Variants in VAV2 observed in about 807,000 individuals in gnomAD.
VAV2 encodes the protein vav guanine nucleotide exchange factor 2.
In VAV2, 67 loss-of-function variants were observed where a neutral mutation model predicts 132.5. The ratio of observed to expected loss-of-function variants is 0.51; its 90% CI spans 0.42 to 0.62. The LOEUF is 0.62. Ranked by LOEUF, VAV2 falls within the 20% of genes least tolerant of loss-of-function variation. The pLI is 0.00. For synonymous variants in VAV2, 492 were observed against 443.5 expected, an observed-to-expected ratio of 1.11 and a Z score of -1.37; for missense variants, 938 against 1,153.6, an observed-to-expected ratio of 0.81 and a Z score of 2.71.
At chr9:133,819,638 C>A (rs928798158) in intron 4 of VAV2, among the ~76,000 whole-genome samples, 1 of 152,170 alleles carries the variant, frequency 6.6e-6, no homozygotes, top group Admixed American at 6.5e-5. Context: ...GCCTGCCACA[C>A]CCTTAGGCTC....
At chr9:133,985,537 C>T (rs1842833854) in intron 1 of VAV2, among the ~76,000 whole-genome samples, 1 of 152,166 alleles carries the variant, frequency 6.6e-6, no homozygotes, top group East Asian at 1.9e-4. Context: ...CCACCTAGGC[C>T]TCCCAAAGTG....
intron 3 of VAV2, among the ~76,000 whole-genome samples, chr9:133,839,340 G>A (rs1188225084): frequency 6.6e-6 from 1 of 152,116 alleles, no homozygotes; most frequent in Non-Finnish European, 1.5e-5. Context: ...TGAGTGGGTT[G>A]GTGGGTGGGA....
rs966557117 is a variant in VAV2 at position 133,823,618 on chromosome 9, G to T, written c.449+10654C>A. On this transcript the variant is annotated intron_variant, in intron 4 of 29. Coordinates refer to ENST00000371850, the MANE Select transcript of VAV2 (RefSeq NM_001134398.2). This position sits in a 1 kb window ranked among gnomAD's most constrained non-coding sequence, Gnocchi z 5.5. ...GAGGAGGGCGATTTAGAGGGGGAGG[G>T]ACCTTCATCAGACACAGCACAGCCC... Among the ~76,000 whole-genome samples, 4 of 152,092 alleles carry T rather than the reference G, an allele frequency of 2.6e-5. No homozygotes were observed. Among genetic ancestry groups the T allele is most frequent in the African/African-American group, 9.7e-5 (4 of 41,410 alleles).
intron 5 of VAV2, 115 bp from the exon 6 acceptor site, chr9:133,810,320 A>C: frequency 3.3e-6 from 5 of 1,517,930 alleles, no homozygotes; most frequent in Non-Finnish European, 4.5e-6. Context: ...AACAGACCCA[A>C]AGCCACATCA....
rs1833319275 is a variant in VAV2, at chr9:133,763,201, A to C, written c.*861T>G. The C allele has an allele frequency of 6.6e-6, 1 of 152,172 alleles. No individual in the cohort carries two copies. The highest frequency in any genetic ancestry group is 2.4e-5 in the African/African-American group (1 of 41,386). The allele number at this position is 152,172 out of a possible 1,614,324, so 9.4% of individuals were successfully genotyped here. A position where few individuals can be genotyped will look rare whatever the true frequency, so the allele number is the denominator to read the frequency against. ...AGAGGGACCTGGCAGGGATCTAGAGAGGGGAAATCCCTGTTTTCTTCCCTG... is the reference window on the plus strand; with the variant it reads ...AGAGGGACCTGGCAGGGATCTAGAGCGGGGAAATCCCTGTTTTCTTCCCTG... On this transcript the variant is annotated 3_prime_UTR_variant, in exon 30 of 30. Transcript: ENST00000371850. This position sits in a 1 kb window ranked among gnomAD's most constrained non-coding sequence, Gnocchi z 6.8.
At position 133,884,915 on chromosome 9, in the gene VAV2, C is replaced by A. The variant is rs548152135; in HGVS notation, c.322-23483G>T. ...CGCAGCGCTGTCCACAACTCACACCCTCAGCCCCACTTCCAGCCTGATGAA... is the reference window on the plus strand; with the variant it reads ...CGCAGCGCTGTCCACAACTCACACCATCAGCCCCACTTCCAGCCTGATGAA... On this transcript the variant is annotated intron_variant, in intron 2 of 29. Transcript: ENST00000371850. This position sits in a 1 kb window ranked among gnomAD's most constrained non-coding sequence, Gnocchi z 5.3. Among the ~76,000 whole-genome samples, 15 of 152,262 alleles carry A rather than the reference C, an allele frequency of 9.9e-5. No individual in the cohort carries two copies. Among genetic ancestry groups the A allele is most frequent in the African/African-American group, 3.1e-4 (13 of 41,560 alleles).
At chr9:133,954,257 C>T (rs2132192541) in intron 1 of VAV2, among the ~76,000 whole-genome samples, 1 of 152,332 alleles carries the variant, frequency 6.6e-6, no homozygotes, top group East Asian at 1.9e-4. Context: ...TCCCTCTGTC[C>T]ATCTGCCCAT....
In VAV2 at chr9:133,833,828, G is replaced by A. The variant is rs541415345; in HGVS notation, c.449+444C>T. 1.6e-4 allele frequency among the ~76,000 whole-genome samples: 25 copies of A among 151,670 alleles called. 3 individuals carry two copies. In the South Asian group the frequency reaches 3.8e-3, roughly 23 times the overall value. On this transcript the variant is annotated intron_variant, in intron 4 of 29. Transcript: ENST00000371850. The surrounding 1 kb of genome is among the most constrained non-coding windows in gnomAD (Gnocchi z 5.6). ...GCCTGCCGGGCCACGTGTTAACCCC[G>A]AGCCCACACACTCCTGTGCCCTGAA...
intron 8 of VAV2, 64 bp downstream of exon 8, chr9:133,807,194 T>G: frequency 6.4e-7 from 1 of 1,550,804 alleles, no homozygotes; most frequent in Non-Finnish European, 8.7e-7. Context: ...CAGCAGGACA[T>G]GTGTGGCCAG....
chr9:133,904,465 G>A lies in VAV2; in HGVS notation c.321+34638C>T, dbSNP rs1261340222. Among the ~76,000 whole-genome samples, 3 of 152,212 alleles carry A rather than the reference G, an allele frequency of 2.0e-5. No individual in the cohort carries two copies. The South Asian group carries it at 6.2e-4, about 31-fold the overall frequency. On this transcript the variant is annotated intron_variant, in intron 2 of 29. Transcript: ENST00000371850. ...GAAGCACCCGGAATCACTCCCAGAC[G>A]ACCACGTGGAATTCGATGAGTGAGC...
intron 29 of VAV2, among the ~76,000 whole-genome samples, chr9:133,767,592 C>T (rs1470530676): frequency 6.6e-6 from 1 of 152,166 alleles, no homozygotes; most frequent in Non-Finnish European, 1.5e-5. Context: ...CTACCTAAGC[C>T]TCAGTAGCCT....
chr9:133,772,093 G>T, intron 25 of VAV2, 47 bp from the exon 26 acceptor site: 3 of 1,524,678 alleles, frequency 2.0e-6, no homozygotes, highest in Non-Finnish European at 2.7e-6. Context: ...GGGCCACACG[G>T]CCCCGGCCCC....
chr9:133,914,388 A>G (rs1229835851), intron 2 of VAV2, among the ~76,000 whole-genome samples: 1 of 151,782 alleles, frequency 6.6e-6, no homozygotes, highest in Non-Finnish European at 1.5e-5. Context: ...CAGCAGACGG[A>G]TGGATAAACA....
Position 133,794,113 on chromosome 9 carries a change from CA to C in VAV2, c.1101+1554del. Among the ~76,000 whole-genome samples, 1 of 152,166 alleles carries C rather than the reference CA, an allele frequency of 6.6e-6. No homozygotes were observed. The highest frequency in any genetic ancestry group is 1.5e-5 in the Non-Finnish European group (1 of 68,012). Reference sequence around the variant, plus strand: ...CACCGAGTGCTGAGAGTATGAAACGCAAGACCACACTCAGGGCCCGGGTGCA... The same window carrying C: ...CACCGAGTGCTGAGAGTATGAAACGCAGACCACACTCAGGGCCCGGGTGCA... On this transcript the variant is annotated intron_variant, in intron 12 of 29. Coordinates refer to ENST00000371850, the MANE Select transcript of VAV2 (RefSeq NM_001134398.2). The surrounding 1 kb of genome is among the most constrained non-coding windows in gnomAD (Gnocchi z 4.6).
chr9:133,901,919 A>C (rs962773953), intron 2 of VAV2, among the ~76,000 whole-genome samples: 2 of 152,116 alleles, frequency 1.3e-5, no homozygotes, highest in Non-Finnish European at 2.9e-5. Context: ...CCAGAGGCCA[A>C]AGGAGATGGG....
At chr9:133,950,813 T>C (rs1841533590) in intron 1 of VAV2, among the ~76,000 whole-genome samples, 1 of 152,078 alleles carries the variant, frequency 6.6e-6, no homozygotes, top group East Asian at 1.9e-4. Flanking sequence ...TGCCACCTCA[T>C]TTTCTCCATT....
intron 3 of VAV2, among the ~76,000 whole-genome samples, chr9:133,850,689 G>T (rs1048797277): frequency 6.6e-6 from 1 of 152,170 alleles, no homozygotes; most frequent in Non-Finnish European, 1.5e-5. Flanking sequence ...GCAGGGCCCC[G>T]TGAGCCCACT....
intron 2 of VAV2, among the ~76,000 whole-genome samples, chr9:133,886,480 T>C (rs1043030961): frequency 6.6e-6 from 1 of 152,192 alleles, no homozygotes; most frequent in African/African-American, 2.4e-5. Flanking sequence ...GGTCCAGCTC[T>C]AACCTCGTCC....
At chr9:133,815,076 G>A (rs1835506443) in intron 4 of VAV2, among the ~76,000 whole-genome samples, 1 of 152,154 alleles carries the variant, frequency 6.6e-6, no homozygotes, top group Non-Finnish European at 1.5e-5. Context: ...ATTAAGGAGG[G>A]AGAGAATAGG....
Sources: allele counts gnomAD v4.1 joint callset (sites outside exome capture counted in the v4.1 genomes callset), GRCh38; gene constraint gnomAD v4.1.1; non-coding constraint Gnocchi (gnomAD v3.1); transcripts MANE v1.5; gene names NCBI Gene and HGNC (gene_info 2026-07-23, HGNC 2026-07-21).